RCAN2: variants seen among roughly 807,000 people sequenced by gnomAD.
The protein encoded by RCAN2 is regulator of calcineurin 2.
A neutral mutation model predicts 23.6 loss-of-function variants in RCAN2; 9 were observed. The ratio of observed to expected loss-of-function variants is 0.38; its 90% CI spans 0.23 to 0.67. The LOEUF is 0.67. Among genes scored for constraint, RCAN2 ranks in the 30% least tolerant of loss-of-function variants. The pLI, the probability that RCAN2 is intolerant of heterozygous loss-of-function variation, is 0.51. For synonymous variants in RCAN2, 109 were observed against 115.7 expected (o/e 0.94, Z 0.37); for missense variants, 273 against 302.3 (o/e 0.90, Z 0.72).
chr6:46,339,502 T>C (rs1764238473), intron 2 of RCAN2, among the ~76,000 whole-genome samples: 2 of 151,908 alleles, frequency 1.3e-5, no homozygotes, highest in African/African-American at 4.8e-5. Flanking sequence ...TAGCCCAATA[T>C]TGTTGGGCTG....
chr6:46,408,336 T>TA (rs2150406567), intron 2 of RCAN2, among the ~76,000 whole-genome samples: 1 of 152,290 alleles, frequency 6.6e-6, no homozygotes, highest in Non-Finnish European at 1.5e-5. Context: ...CTGCAGATGG[T>TA]ACCAGCTGGC....
chr6:46,482,802 A>G (rs1768899284), intron 1 of RCAN2, among the ~76,000 whole-genome samples: 1 of 152,244 alleles, frequency 6.6e-6, no homozygotes, highest in African/African-American at 2.4e-5. Flanking sequence ...AAGGGTAAAA[A>G]GCACCAAAAG....
rs57231302 is a variant in RCAN2 at position 46,249,320 on chromosome 6, T to TC, written c.226-425_226-424insG. ...TTTTCTTTTTCTTTCTTTCTTTCTT[T>TC]TTTTTTTTTTTTTTTTTAGACAGAG... On this transcript the variant is annotated intron_variant, in intron 2 of 4. Coordinates refer to ENST00000371374, the MANE Select transcript of RCAN2 (RefSeq NM_001251974.2). 1.2e-4 allele frequency among the ~76,000 whole-genome samples: 16 copies of TC among 137,922 alleles called. No individual in the cohort carries two copies. The East Asian group carries it at 2.0e-3, about 17-fold the overall frequency. The allele number at this position is 137,922 out of a possible 152,430, so 90.5% of individuals were successfully genotyped here. A position where few individuals can be genotyped will look rare whatever the true frequency, so the allele number is the denominator to read the frequency against.
intron 2 of RCAN2, among the ~76,000 whole-genome samples, chr6:46,422,445 C>G (rs1437087581): frequency 6.6e-6 from 1 of 151,884 alleles, no homozygotes; most frequent in Non-Finnish European, 1.5e-5. Context: ...CACAAATGGA[C>G]TAAGACAGGG....
At chr6:46,472,151 A>T (rs1455383373) in intron 1 of RCAN2, among the ~76,000 whole-genome samples, 1 of 152,244 alleles carries the variant, frequency 6.6e-6, no homozygotes, top group Non-Finnish European at 1.5e-5. Flanking sequence ...AGATCTCTCA[A>T]ATCAACACTC....
chr6:46,368,086 T>G (rs1015492713), intron 2 of RCAN2, among the ~76,000 whole-genome samples: 2 of 152,208 alleles, frequency 1.3e-5, no homozygotes, highest in Admixed American at 6.5e-5. Flanking sequence ...GTGGAGCATA[T>G]TGTCTCTATG....
intron 1 of RCAN2, among the ~76,000 whole-genome samples, chr6:46,459,572 T>A (rs1768151540): frequency 6.6e-6 from 1 of 152,238 alleles, no homozygotes; most frequent in Admixed American, 6.5e-5. Context: ...GCAAACAACC[T>A]ACTTTACTTA....
chr6:46,370,431 G>A (rs1441787064), intron 2 of RCAN2, among the ~76,000 whole-genome samples: 1 of 152,116 alleles, frequency 6.6e-6, no homozygotes, highest in African/African-American at 2.4e-5. Context: ...CTCCCTCCCT[G>A]ACCCCAGCTC....
intron 2 of RCAN2, among the ~76,000 whole-genome samples, chr6:46,298,439 T>C (rs1175447444): frequency 2.0e-5 from 3 of 152,120 alleles, no homozygotes; most frequent in Admixed American, 1.3e-4. Flanking sequence ...GCCTTAGGCT[T>C]ATCCCAATTT....
At chr6:46,225,375 C>T (rs1460262955) in intron 4 of RCAN2, among the ~76,000 whole-genome samples, 4 of 152,190 alleles carry the variant, frequency 2.6e-5, no homozygotes, top group East Asian at 3.9e-4. Flanking sequence ...TCCACAAAGG[C>T]TGAACTAGTT....
chr6:46,465,572 C>T (rs1442112518), intron 1 of RCAN2, among the ~76,000 whole-genome samples: 1 of 152,120 alleles, frequency 6.6e-6, no homozygotes, highest in East Asian at 1.9e-4. Context: ...TGGAGATGGC[C>T]CCCTGACACA....
chr6:46,319,242 C>A (rs903344896), intron 2 of RCAN2, among the ~76,000 whole-genome samples: 1 of 152,134 alleles, frequency 6.6e-6, no homozygotes, highest in African/African-American at 2.4e-5. Flanking sequence ...GTATCATTTT[C>A]TTTCTTATGT....
At chr6:46,350,261 C>A (rs1443676504) in intron 2 of RCAN2, among the ~76,000 whole-genome samples, 1 of 152,146 alleles carries the variant, frequency 6.6e-6, no homozygotes, top group African/African-American at 2.4e-5. Flanking sequence ...GTAAAAATCT[C>A]ATATTGAACA....
At chr6:46,400,449 CT>C (rs973795302) in intron 2 of RCAN2, among the ~76,000 whole-genome samples, 3 of 152,122 alleles carry the variant, frequency 2.0e-5, no homozygotes, top group Admixed American at 6.6e-5. Context: ...CTTTTTTTCT[CT>C]TGTCCCTTCC....
At chr6:46,339,384 G>C (rs139618412) in intron 2 of RCAN2, among the ~76,000 whole-genome samples, 147 of 152,156 alleles carry the variant, frequency 9.7e-4, no homozygotes, top group African/African-American at 3.4e-3. Context: ...GCTGGATTTT[G>C]AGAGGTAAGT....
intron 2 of RCAN2, among the ~76,000 whole-genome samples, chr6:46,288,198 G>A (rs999439872): frequency 6.6e-6 from 1 of 152,202 alleles, no homozygotes; most frequent in Non-Finnish European, 1.5e-5. Flanking sequence ...CTGCACAAAC[G>A]ATAGAAGGCT....
chr6:46,309,832 T>C (rs1763195893), intron 2 of RCAN2, among the ~76,000 whole-genome samples: 1 of 152,172 alleles, frequency 6.6e-6, no homozygotes, highest in South Asian at 2.1e-4. Flanking sequence ...TAAAGACTAG[T>C]AAGGAATTCA....
intron 2 of RCAN2, among the ~76,000 whole-genome samples, chr6:46,339,932 CT>C (rs947061964): frequency 6.6e-6 from 1 of 152,096 alleles, no homozygotes; most frequent in African/African-American, 2.4e-5. Flanking sequence ...ATGTATATGA[CT>C]TTCACATACA....
chr6:46,334,958 A>T (rs1764094260), intron 2 of RCAN2, among the ~76,000 whole-genome samples: 1 of 121,804 alleles, frequency 8.2e-6, no homozygotes, highest in Non-Finnish European at 2.0e-5. Context: ...AGAAGCTGAC[A>T]CACTCGAAAA....
Sources: allele counts gnomAD v4.1 joint callset (sites outside exome capture counted in the v4.1 genomes callset), GRCh38; gene constraint gnomAD v4.1.1; transcripts MANE v1.5; gene names NCBI Gene and HGNC (gene_info 2026-07-23, HGNC 2026-07-21).